SP4: variants seen among roughly 807,000 people sequenced by gnomAD.
The protein encoded by SP4 is Sp4 transcription factor, also known as transcription factor Sp4.
A neutral mutation model predicts 72.8 loss-of-function variants in SP4; 19 were observed. The ratio of observed to expected loss-of-function variants is 0.26; its 90% CI spans 0.18 to 0.38. The LOEUF (loss-of-function observed/expected upper bound fraction) is 0.38, where lower values mean the gene tolerates loss of function less well. Among genes scored for constraint, SP4 ranks in the 10% least tolerant of loss-of-function variants. The pLI, the probability that SP4 is intolerant of heterozygous loss-of-function variation, is 1.00. For missense variants in SP4, 1,008 were observed against 926.3 expected (o/e 1.09, Z -1.14); for synonymous variants, 395 against 333.1 (o/e 1.19, Z -2.02).
In SP4 at chr7:21,429,983, A is replaced by G. The variant is rs767714920; in HGVS notation, c.818A>G (p.Asn273Ser). The G allele has an allele frequency of 1.9e-6, 3 of 1,614,122 alleles. No individual in the cohort carries two copies. The highest frequency in any genetic ancestry group is 2.2e-5 in the East Asian group (1 of 44,878). Residue 273 changes from asparagine to serine, a missense_variant, in exon 3 of 6, where the codon AAC becomes AGC. Asn to Ser is a conservative substitution (Grantham distance 46, BLOSUM62 1). Around this residue, in one of 3 missense-constraint regions of SP4, gnomAD observed 893 missense variants for 743.3 expected, o/e 1.20. Transcript: ENST00000222584. ...ACTCTAGCTTTGCCAGTGATAAACA[A>G]CGTGGCTGCCGGAGGAGGGACTGGG... is the stretch of plus-strand genomic sequence containing the variant. ...GVTLALPVIN[N>S]VAAGGGTGQV...
At chr7:21,479,609 C>T (rs1022293246) in intron 4 of SP4, among the ~76,000 whole-genome samples, 32 of 152,126 alleles carry the variant, frequency 2.1e-4, no homozygotes, top group Admixed American at 1.9e-3. Context: ...CTGACTCTTT[C>T]GGGACACTTG....
chr7:21,506,688 T>G (rs1334881160), intron 5 of SP4, among the ~76,000 whole-genome samples: 2 of 152,196 alleles, frequency 1.3e-5, no homozygotes, highest in African/African-American at 4.8e-5. Context: ...CATCCATCAA[T>G]CTTTTGTAAT....
intron 3 of SP4, among the ~76,000 whole-genome samples, chr7:21,435,696 A>G (rs546817393): frequency 2.0e-5 from 3 of 152,336 alleles, no homozygotes; most frequent in African/African-American, 7.2e-5. Context: ...TGTTTGTTAT[A>G]GATTGGAATT....
chr7:21,480,214 G>T (rs1290043749), intron 4 of SP4, among the ~76,000 whole-genome samples: 1 of 152,142 alleles, frequency 6.6e-6, no homozygotes, highest in Non-Finnish European at 1.5e-5. Flanking sequence ...AGAGATGTCT[G>T]TGGTTTTCTT....
At chr7:21,476,781 G>A (rs547305831) in intron 3 of SP4, among the ~76,000 whole-genome samples, 20 of 152,190 alleles carry the variant, frequency 1.3e-4, no homozygotes, top group Non-Finnish European at 2.6e-4. Context: ...ATTTTAGTGA[G>A]TAGGTAAGTG....
In SP4 at chr7:21,430,825, A is replaced by G. The variant is rs146629853; in HGVS notation, c.1660A>G (p.Thr554Ala). Residue 554 changes from threonine to alanine, a missense_variant, in exon 3 of 6, where the codon ACA (threonine) becomes GCA (alanine). Transcript: ENST00000222584. ...AGVQVQGVPV[T>A]ITSVAGQQQG... ...TGTTCAAGTGCAGGGAGTTCCCGTT[A>G]CAATCACTAGTGTTGCAGGTAAGTT... The G allele has an allele frequency of 3.7e-4, 590 of 1,611,626 alleles. 1 individual carries two copies. The highest frequency in any genetic ancestry group is 4.8e-4 in the Non-Finnish European group (567 of 1,178,358).
intron 3 of SP4, among the ~76,000 whole-genome samples, chr7:21,470,856 A>G (rs909804346): frequency 6.6e-6 from 1 of 152,268 alleles, no homozygotes; most frequent in East Asian, 1.9e-4. Flanking sequence ...GAAGAAAAAT[A>G]AAAGAACGGC....
At chr7:21,506,625 T>G (rs1782006031) in intron 5 of SP4, among the ~76,000 whole-genome samples, 3 of 152,222 alleles carry the variant, frequency 2.0e-5, no homozygotes. Flanking sequence ...TCCTTTCTCC[T>G]TACAAAGACC....
chr7:21,428,193 C>CCCCCCCCCCCCCCCCCA lies in SP4; in HGVS notation c.-59_-58insCCCCCCCCCCCCCCCCA. On this transcript the variant is annotated 5_prime_UTR_variant, in exon 1 of 6. Transcript: ENST00000222584. ...CCGGCCTCTCCTCCCGCCTCGCCCCCACCCCCACCCACCTCTATCCCAGTG... is the reference window on the plus strand; with the variant it reads ...CCGGCCTCTCCTCCCGCCTCGCCCCCCCCCCCCCCCCCCCCCAACCCCCACCCACCTCTATCCCAGTG... 1 of 840,658 alleles carries CCCCCCCCCCCCCCCCCA rather than the reference C, an allele frequency of 1.2e-6. No individual in the cohort carries two copies. Among genetic ancestry groups the CCCCCCCCCCCCCCCCCA allele is most frequent in the Admixed American group, 2.4e-5 (1 of 41,716 alleles). The allele number at this position is 840,658 out of a possible 1,614,324, so 52.1% of individuals were successfully genotyped here. A position where few individuals can be genotyped will look rare whatever the true frequency, so the allele number is the denominator to read the frequency against.
chr7:21,482,017 T>C lies in SP4; in HGVS notation c.2001T>C (p.His667=). 1.9e-6 allele frequency: 3 copies of C among 1,613,932 alleles called. No homozygotes were observed. The highest frequency in any genetic ancestry group is 2.5e-6 in the Non-Finnish European group (3 of 1,179,824). The change falls in exon 5 of 6, where the codon CAT becomes CAC. Residue 667 remains histidine (H), a synonymous_variant. Coordinates refer to ENST00000222584, the MANE Select transcript of SP4 (RefSeq NM_003112.5). The stretch of plus-strand genomic sequence containing the variant: ...GCAAAACATCTCATTTACGAGCACA[T>C]CTTCGCTGGCATACTGGAGAAAGAC... ...VYGKTSHLRA[H]LRWHTGERPF...
At chr7:21,456,053 C>G (rs1459653096) in intron 3 of SP4, among the ~76,000 whole-genome samples, 1 of 152,108 alleles carries the variant, frequency 6.6e-6, no homozygotes, top group Non-Finnish European at 1.5e-5. Flanking sequence ...TAGAGGAATA[C>G]TCATGGAAAG....
At chr7:21,469,904 C>A (rs984761354) in intron 3 of SP4, among the ~76,000 whole-genome samples, 3 of 151,856 alleles carry the variant, frequency 2.0e-5, no homozygotes, top group Non-Finnish European at 1.5e-5. Context: ...AAAAAAAACA[C>A]CTTGCTGAAT....
chr7:21,488,625 T>TAGTGC (rs1409586627), intron 5 of SP4, among the ~76,000 whole-genome samples: 2 of 152,036 alleles, frequency 1.3e-5, no homozygotes, highest in African/African-American at 4.8e-5. Context: ...CCAGGTGCAG[T>TAGTGC]AGTGCACACC....
intron 5 of SP4, among the ~76,000 whole-genome samples, chr7:21,507,043 C>T (rs1782016885): frequency 6.6e-6 from 1 of 152,136 alleles, no homozygotes; most frequent in African/African-American, 2.4e-5. Context: ...TGGTCATGTC[C>T]ACTCTCCTGA....
chr7:21,431,480 TATTTA>T (rs1782852458), intron 3 of SP4, among the ~76,000 whole-genome samples: 1 of 152,230 alleles, frequency 6.6e-6, no homozygotes. Flanking sequence ...TATAAAATTA[TATTTA>T]ATTAAATCAT....
rs11300598 is a variant in SP4 at position 21,442,038 on chromosome 7, ATTTT to A, written c.1678+11210_1678+11213del. Among the ~76,000 whole-genome samples, 9 of 93,304 alleles carry A rather than the reference ATTTT, an allele frequency of 9.6e-5. No individual in the cohort carries two copies. The South Asian group carries it at 2.4e-3, about 25-fold the overall frequency. The allele number at this position is 93,304 out of a possible 152,430, so 61.2% of individuals were successfully genotyped here. On this transcript the variant is annotated intron_variant, in intron 3 of 5. Coordinates refer to ENST00000222584, the MANE Select transcript of SP4 (RefSeq NM_003112.5). ...TGTGTGTGTGTGTGTGTGTGTGTGTATTTTTTTTTTTTTTTTTTGAAACGGAGTC... is the reference window on the plus strand; with the variant it reads ...TGTGTGTGTGTGTGTGTGTGTGTGTATTTTTTTTTTTTTTGAAACGGAGTC...
chr7:21,444,517 A>G (rs1783360597), intron 3 of SP4, among the ~76,000 whole-genome samples: 2 of 152,322 alleles, frequency 1.3e-5, no homozygotes, highest in African/African-American at 4.8e-5. Context: ...ATAGTGAATG[A>G]TGGAACCAGA....
At chr7:21,502,371 G>A (rs1461082931) in intron 5 of SP4, among the ~76,000 whole-genome samples, 1 of 152,112 alleles carries the variant, frequency 6.6e-6, no homozygotes, top group African/African-American at 2.4e-5. Flanking sequence ...CCCCCTGCCT[G>A]GAGAGGCAAG....
chr7:21,477,037 G>A (rs903265100), intron 3 of SP4, 42 bp from the exon 4 acceptor site: 6 of 1,452,082 alleles, frequency 4.1e-6, no homozygotes, highest in African/African-American at 1.4e-5. Context: ...TTCTTTAGGT[G>A]TAGAAAACAT....
Sources: gnomAD v4.1 joint callset for allele counts (sites outside exome capture counted in the v4.1 genomes callset) on GRCh38, gnomAD v4.1.1 for gene constraint, gnomAD v4.1.1 regional missense constraint, MANE v1.5 for transcripts, NCBI Gene and HGNC (gene_info 2026-07-23, HGNC 2026-07-21) for gene names.